ANKRD28: variants seen among roughly 807,000 people sequenced by gnomAD.
ANKRD28 encodes the protein ankyrin repeat domain 28.
In ANKRD28, 44 loss-of-function variants were observed where a neutral mutation model predicts 126.5. The observed-to-expected ratio is 0.35, with a 90% CI of 0.27 to 0.45. ANKRD28 has a LOEUF of 0.45. Ranked by LOEUF, ANKRD28 falls within the 20% of genes least tolerant of loss-of-function variation. ANKRD28 has a pLI of 1.00. For synonymous variants in ANKRD28, 442 were observed against 468.5 expected, an observed-to-expected ratio of 0.94 and a Z score of 0.73; for missense variants, 1,110 against 1,316.6, an observed-to-expected ratio of 0.84 and a Z score of 2.43.
intron 1 of ANKRD28, among the ~76,000 whole-genome samples, chr3:15,805,988 C>T (rs2060568833): frequency 6.6e-6 from 1 of 152,066 alleles, no homozygotes; most frequent in Admixed American, 6.5e-5. Flanking sequence ...TCATGTCTTT[C>T]TGAACCATAT....
intron 1 of ANKRD28, among the ~76,000 whole-genome samples, chr3:15,850,224 T>TATATATATATATATATATATAGAG (rs1418223588): frequency 2.3e-4 from 8 of 35,110 alleles, no homozygotes; most frequent in Non-Finnish European, 4.2e-4. Context: ...TATATATATA[T>TATATATATATATATATATATAGAG]AGAGAGAGAG....
chr3:15,785,937 T>C lies in ANKRD28; in HGVS notation c.201+9286A>G, dbSNP rs143025040. ...TACTGCTAAGTGAAAGACGCCAACC[T>C]GAAAAGGGTACATACTATATGATTC... On this transcript the variant is annotated intron_variant, in intron 2 of 27. Coordinates refer to ENST00000683139, the MANE Select transcript of ANKRD28 (RefSeq NM_001349278.2). Among the ~76,000 whole-genome samples the C allele has an allele frequency of 3.6e-4, 55 of 151,770 alleles. No individual in the cohort carries two copies. The East Asian group carries it at 0.01, about 28-fold the overall frequency.
intron 1 of ANKRD28, among the ~76,000 whole-genome samples, chr3:15,844,448 G>GA (rs139874890): frequency 0.034 from 4,951 of 144,836 alleles, 104 homozygotes; most frequent in Non-Finnish European, 0.048. Context: ...TGTGGTCAGA[G>GA]AAAAAAAAAA....
intron 2 of ANKRD28, among the ~76,000 whole-genome samples, chr3:15,773,943 C>A (rs1490666419): frequency 6.6e-6 from 1 of 152,094 alleles, no homozygotes; most frequent in Non-Finnish European, 1.5e-5. Flanking sequence ...GTGAAGTAAT[C>A]AAGGGAGGGT....
intron 1 of ANKRD28, among the ~76,000 whole-genome samples, chr3:15,832,290 C>A (rs962282445): frequency 6.6e-6 from 1 of 152,096 alleles, no homozygotes; most frequent in Non-Finnish European, 1.5e-5. Flanking sequence ...TATTATTTTG[C>A]ATTTTATTAT....
At chr3:15,847,261 T>C (rs539223288) in intron 1 of ANKRD28, among the ~76,000 whole-genome samples, 18 of 152,330 alleles carry the variant, frequency 1.2e-4, no homozygotes, top group African/African-American at 4.1e-4. Flanking sequence ...TAAAAAGTGA[T>C]GAAAAAATTA....
chr3:15,798,838 T>C (rs546606749), upstream of ANKRD28, among the ~76,000 whole-genome samples: 38 of 152,086 alleles, frequency 2.5e-4, no homozygotes, highest in Non-Finnish European at 4.9e-4. Flanking sequence ...ACAAAGAAAA[T>C]ACCATGGTCC....
In ANKRD28 at chr3:15,737,112, G is replaced by C; in HGVS notation, c.473C>G (p.Pro158Arg). 1.2e-6 allele frequency: 2 copies of C among 1,613,960 alleles called. No individual in the cohort carries two copies. Among genetic ancestry groups the C allele is most frequent in the Non-Finnish European group, 1.7e-6 (2 of 1,179,894 alleles). The change falls in exon 5 of 28, where the codon CCT (proline) becomes CGT (arginine). Residue 158 changes from proline to arginine, a missense_variant. Physicochemically the swap from Pro to Arg is moderately radical, Grantham distance 103 (BLOSUM62 -2). Coordinates refer to ENST00000683139, the MANE Select transcript of ANKRD28 (RefSeq NM_001349278.2). Reference protein sequence around the residue: ...KAVKCAEALVPLLSNVNVSDR... With the variant: ...KAVKCAEALVRLLSNVNVSDR... ...AGATACGTTTACATTACTCAGAAGA[G>C]GTACCAAAGCTTCAGCACACTTTAC... is the stretch of plus-strand genomic sequence containing the variant.
In ANKRD28 at chr3:15,707,971, T is replaced by C. The variant is rs2071684826; in HGVS notation, c.1500A>G (p.Arg500=). The part of the protein sequence containing the change: ...SGASVNDLDE[R]GCTPLHYAAT... ...CTGCATAGTGCAGGGGTGTGCAGCC[T>C]CTTTCATCAAGGTCATTCACACTTG... is the stretch of plus-strand genomic sequence containing the variant. The change falls in exon 14 of 28, where the codon AGA becomes AGG. Residue 500 remains arginine (R), a synonymous_variant. Transcript: ENST00000683139. 2 of 1,612,998 alleles carry C rather than the reference T, an allele frequency of 1.2e-6. No homozygotes were observed. The highest frequency in any genetic ancestry group is 2.2e-5 in the South Asian group (2 of 90,856).
rs538530745 is a variant in ANKRD28, at chr3:15,839,346, C to T, written c.27+20031G>A. 5.8e-4 allele frequency among the ~76,000 whole-genome samples: 88 copies of T among 151,872 alleles called. No homozygotes were observed. Among genetic ancestry groups the T allele is most frequent in the Non-Finnish European group, 1.0e-3 (70 of 67,980 alleles). ...CAACTTAAAAGGCTGATCAGCTGTT[C>T]AGGACCTTAGCTGTAGAAGACATAA... On this transcript the variant is annotated intron_variant, in intron 1 of 27. Coordinates refer to the ANKRD28 transcript ENST00000399451. This position sits in a 1 kb window ranked among gnomAD's most constrained non-coding sequence, Gnocchi z 4.3.
chr3:15,692,362 C>T (rs1575176818), intron 17 of ANKRD28, among the ~76,000 whole-genome samples: 1 of 152,028 alleles, frequency 6.6e-6, no homozygotes, highest in African/African-American at 2.4e-5. Flanking sequence ...GGGAGGGAGG[C>T]TCACTGGAGC....
intron 5 of ANKRD28, 130 bp downstream of exon 5, chr3:15,736,903 G>A (rs1341067525): frequency 6.4e-6 from 6 of 940,206 alleles, no homozygotes; most frequent in Admixed American, 2.4e-5. Context: ...ATAAAAGGAG[G>A]CAAAATTAGA....
intron 17 of ANKRD28, among the ~76,000 whole-genome samples, chr3:15,694,015 C>T (rs796556247): frequency 1.4e-4 from 22 of 152,170 alleles, no homozygotes; most frequent in African/African-American, 4.6e-4. Flanking sequence ...CTCACAAACA[C>T]CTGGTGAGAG....
chr3:15,734,111 G>A (rs1320348170), intron 6 of ANKRD28, among the ~76,000 whole-genome samples: 1 of 152,124 alleles, frequency 6.6e-6, no homozygotes, highest in African/African-American at 2.4e-5. Flanking sequence ...GATGTGAAAC[G>A]CTCATACACG....
At chr3:15,826,698 A>T (rs540822411) in intron 1 of ANKRD28, among the ~76,000 whole-genome samples, 2 of 152,246 alleles carry the variant, frequency 1.3e-5, no homozygotes, top group African/African-American at 4.8e-5. Context: ...TTTCTATTTG[A>T]TTAAAACCAT....
intron 17 of ANKRD28, among the ~76,000 whole-genome samples, chr3:15,693,528 T>C (rs2069107836): frequency 6.6e-6 from 1 of 152,144 alleles, no homozygotes; most frequent in Non-Finnish European, 1.5e-5. Flanking sequence ...ATGCTACTAG[T>C]TGAATCTCCA....
At chr3:15,828,299 C>G (rs1476927869) in intron 1 of ANKRD28, among the ~76,000 whole-genome samples, 1 of 152,048 alleles carries the variant, frequency 6.6e-6, no homozygotes, top group East Asian at 1.9e-4. Context: ...TTCTGAAAGT[C>G]TCAGAGAAAC....
At chr3:15,823,635 A>G (rs1414594011) in intron 1 of ANKRD28, among the ~76,000 whole-genome samples, 1 of 152,120 alleles carries the variant, frequency 6.6e-6, no homozygotes, top group East Asian at 1.9e-4. Context: ...GAAACAATAA[A>G]CTAACATCCC....
chr3:15,852,816 G>C (rs960071119), intron 1 of ANKRD28, among the ~76,000 whole-genome samples: 1 of 128,386 alleles, frequency 7.8e-6, no homozygotes, highest in Non-Finnish European at 1.6e-5. Flanking sequence ...CTGGGCGACA[G>C]TGCGAGACTC....
Sources: allele counts gnomAD v4.1 joint callset (sites outside exome capture counted in the v4.1 genomes callset), GRCh38; gene constraint gnomAD v4.1.1; non-coding constraint Gnocchi (gnomAD v3.1); transcripts MANE v1.5; gene names NCBI Gene and HGNC (gene_info 2026-07-23, HGNC 2026-07-21).